TICAM2: variants seen among roughly 807,000 people sequenced by gnomAD.
The protein encoded by TICAM2 is TIR domain-containing adapter molecule 2.
A neutral mutation model predicts 7.3 loss-of-function variants in TICAM2; 8 were observed. The observed-to-expected ratio is 1.10, with a 90% CI of 0.65 to 1.99. The LOEUF (loss-of-function observed/expected upper bound fraction) is 1.99, where lower values mean the gene tolerates loss of function less well. TICAM2 is among the 30% of genes most tolerant of loss of function. TICAM2 has a pLI of 0.00. For missense variants in TICAM2, 304 were observed against 278.8 expected (o/e 1.09, Z -0.65); for synonymous variants, 113 against 99.6 (o/e 1.13, Z -0.80).
chr5:115,600,864 T>C (rs1360252015), intron 1 of TICAM2, among the ~76,000 whole-genome samples: 1 of 152,144 alleles, frequency 6.6e-6, no homozygotes, highest in East Asian at 1.9e-4. Context: ...TAGAATGGGA[T>C]GTGTGGTCTA....
At chr5:115,600,619 G>C (rs1046885808) in intron 1 of TICAM2, among the ~76,000 whole-genome samples, 2 of 152,078 alleles carry the variant, frequency 1.3e-5, no homozygotes, top group Non-Finnish European at 2.9e-5. Flanking sequence ...ATATTGAGGA[G>C]GGAGTGATCA....
chr5:115,596,448 C>T (rs1755514333), intron 1 of TICAM2, among the ~76,000 whole-genome samples: 1 of 152,206 alleles, frequency 6.6e-6, no homozygotes, highest in Non-Finnish European at 1.5e-5. Flanking sequence ...TGCTTTTCTC[C>T]ACTTTGTTCC....
intron 1 of TICAM2, among the ~76,000 whole-genome samples, chr5:115,585,968 G>C (rs573667821): frequency 2.6e-5 from 4 of 152,302 alleles, no homozygotes; most frequent in Admixed American, 2.6e-4. Context: ...GGCTAAATTT[G>C]GGGCATATTT....
chr5:115,594,158 A>T (rs1436640964), intron 1 of TICAM2, among the ~76,000 whole-genome samples: 2 of 152,192 alleles, frequency 1.3e-5, no homozygotes, highest in Admixed American at 1.3e-4. Flanking sequence ...GACTAAAATG[A>T]CCTTTGTAAC....
At chr5:115,589,984 G>T (rs1199029806) in intron 1 of TICAM2, among the ~76,000 whole-genome samples, 2 of 152,186 alleles carry the variant, frequency 1.3e-5, no homozygotes, top group Admixed American at 1.3e-4. Context: ...CCAGAATAGA[G>T]AGTAACCAAT....
intron 1 of TICAM2, among the ~76,000 whole-genome samples, chr5:115,600,536 G>C (rs770873179): frequency 6.6e-6 from 1 of 152,182 alleles, no homozygotes; most frequent in African/African-American, 2.4e-5. Flanking sequence ...AGAATGAAAT[G>C]CAGAATATGG....
At chr5:115,585,406 C>T (rs1755068281) in intron 1 of TICAM2, among the ~76,000 whole-genome samples, 2 of 152,192 alleles carry the variant, frequency 1.3e-5, no homozygotes, top group African/African-American at 2.4e-5. Context: ...GGATGTAAAT[C>T]AACTACATCA....
Position 115,581,067 on chromosome 5 carries a change from T to C in TICAM2, c.190A>G (p.Ser64Gly), listed in dbSNP as rs1754904510. The C allele has an allele frequency of 6.2e-7, 1 of 1,614,200 alleles. No individual in the cohort carries two copies. The highest frequency in any genetic ancestry group is 8.5e-7 in the Non-Finnish European group (1 of 1,180,038). ...GPTGKQEGAQ[S>G]VEEMFEEEAE... Reference sequence around the variant, plus strand: ...TCTTCTTCAAACATCTCTTCCACGCTCTGAGCTCCCTCCTGCTTTCCTGTT... The same window carrying C: ...TCTTCTTCAAACATCTCTTCCACGCCCTGAGCTCCCTCCTGCTTTCCTGTT... The change falls in exon 2 of 2, where the codon AGC becomes GGC. Residue 64 changes from serine (S) to glycine (G), a missense_variant. Ser to Gly is a moderately conservative substitution (Grantham distance 56, BLOSUM62 0). Coordinates refer to ENST00000427199, the MANE Select transcript of TICAM2 (RefSeq NM_021649.7).
In TICAM2 at chr5:115,585,368, T is replaced by C. The variant is rs370732288; in HGVS notation, c.-59-4053A>G. On this transcript the variant is annotated intron_variant, in intron 1 of 1. Transcript: ENST00000427199. ...CAGTCTCTGAACTGTTTCTTACCAG[T>C]CAATGAGGAGATAAGCAGATTGTGC... Among the ~76,000 whole-genome samples the C allele has an allele frequency of 8.5e-5, 13 of 152,296 alleles. No homozygotes were observed. The East Asian group carries it at 1.5e-3, about 18-fold the overall frequency.
chr5:115,598,082 G>A (rs1755581444), intron 1 of TICAM2, among the ~76,000 whole-genome samples: 1 of 152,024 alleles, frequency 6.6e-6, no homozygotes, highest in Middle Eastern at 3.2e-3. Flanking sequence ...TGATCACACA[G>A]TCTGAAAAAA....
rs1754900097 is a variant in TICAM2 at position 115,580,971 on chromosome 5, C to T, written c.286G>A (p.Val96Ile). 1 of 1,613,616 alleles carries T rather than the reference C, an allele frequency of 6.2e-7. No individual in the cohort carries two copies. The highest frequency in any genetic ancestry group is 2.2e-5 in the East Asian group (1 of 44,880). Residue 96 changes from valine (V) to isoleucine (I), a missense_variant, in exon 2 of 2, where the codon GTC becomes ATC. Val to Ile is a conservative substitution (Grantham distance 29). Coordinates refer to ENST00000427199, the MANE Select transcript of TICAM2 (RefSeq NM_021649.7). ...AAGTCATCTTGTAGCAGATTCTGGA[C>T]TCTGAGGGCTTCATCTGTGTCATCT... ...AEDDTDEALR[V>I]QNLLQDDFGI...
rs148514761 is a variant in TICAM2 at position 115,596,818 on chromosome 5, C to T, written c.-60+5279G>A. On this transcript the variant is annotated intron_variant, in intron 1 of 1. Coordinates refer to ENST00000427199, the MANE Select transcript of TICAM2 (RefSeq NM_021649.7). Reference sequence around the variant, plus strand: ...CCTGTAGTCCCAGCTACTCGGGAGGCTGAGGCAGGAGAATGGCGTGAACCT... The same window carrying T: ...CCTGTAGTCCCAGCTACTCGGGAGGTTGAGGCAGGAGAATGGCGTGAACCT... Among the ~76,000 whole-genome samples the T allele has an allele frequency of 9.4e-3, 1,426 of 152,270 alleles. 25 individuals are homozygous for T. Among genetic ancestry groups the T allele is most frequent in the African/African-American group, 0.032 (1,343 of 41,548 alleles).
chr5:115,583,225 G>A (rs1459577800), intron 1 of TICAM2, among the ~76,000 whole-genome samples: 1 of 151,888 alleles, frequency 6.6e-6, no homozygotes, highest in Non-Finnish European at 1.5e-5. Flanking sequence ...AAACCATCCA[G>A]AGGCATCTAT....
At chr5:115,586,269 G>A (rs888657484) in intron 1 of TICAM2, among the ~76,000 whole-genome samples, 2 of 152,102 alleles carry the variant, frequency 1.3e-5, no homozygotes, top group African/African-American at 4.8e-5. Context: ...TTTTTTATTT[G>A]TGTTGTGTTA....
intron 1 of TICAM2, among the ~76,000 whole-genome samples, chr5:115,582,302 A>G (rs1452168490): frequency 1.3e-5 from 2 of 149,962 alleles, no homozygotes; most frequent in South Asian, 4.2e-4. Flanking sequence ...GACTACAGGT[A>G]CATGCCACAC....
intron 1 of TICAM2, among the ~76,000 whole-genome samples, chr5:115,586,522 C>A (rs976820733): frequency 1.3e-5 from 2 of 151,642 alleles, no homozygotes; most frequent in Non-Finnish European, 2.9e-5. Context: ...AGAGTGGTAC[C>A]CCAGCTGCTA....
chr5:115,587,163 C>G (rs1755135947), intron 1 of TICAM2, among the ~76,000 whole-genome samples: 2 of 152,146 alleles, frequency 1.3e-5, no homozygotes, highest in Non-Finnish European at 2.9e-5. Flanking sequence ...AAAAGAGGTT[C>G]CTTATAAGGA....
intron 1 of TICAM2, among the ~76,000 whole-genome samples, chr5:115,598,842 T>C (rs1390018055): frequency 6.6e-6 from 1 of 152,150 alleles, no homozygotes; most frequent in Non-Finnish European, 1.5e-5. Flanking sequence ...GAGATTAAAA[T>C]GAGAAATAAG....
chr5:115,582,910 T>C (rs1754980418), intron 1 of TICAM2, among the ~76,000 whole-genome samples: 1 of 152,210 alleles, frequency 6.6e-6, no homozygotes, highest in African/African-American at 2.4e-5. Context: ...TCAATGTATG[T>C]GAGTAAAAAT....
Sources: gnomAD v4.1 joint callset for allele counts (sites outside exome capture counted in the v4.1 genomes callset) on GRCh38, gnomAD v4.1.1 for gene constraint, MANE v1.5 for transcripts, NCBI Gene and HGNC (gene_info 2026-07-23, HGNC 2026-07-21) for gene names.